The following GC variants were observed in gnomAD, a reference collection of about 807,000 sequenced individuals.
The protein encoded by GC is GC vitamin D binding protein, also known as vitamin D-binding protein.
In GC, 43 loss-of-function variants were observed where a neutral mutation model predicts 56.7. The observed-to-expected ratio is 0.76, with a 90% CI of 0.59 to 0.98. The LOEUF (loss-of-function observed/expected upper bound fraction) is 0.98, where lower values mean the gene tolerates loss of function less well. GC is among the 50% of genes least tolerant of loss of function. The pLI is 0.00. For missense variants in GC, 529 were observed against 545.9 expected (o/e 0.97, Z 0.31); for synonymous variants, 216 against 202.7 (o/e 1.07, Z -0.56).
intron 1 of GC, among the ~76,000 whole-genome samples, chr4:71,797,843 G>A (rs931670164): frequency 6.6e-6 from 1 of 152,136 alleles, no homozygotes; most frequent in African/African-American, 2.4e-5. Context: ...TCTTGATAAG[G>A]GTTCATTGAG....
intron 1 of GC, among the ~76,000 whole-genome samples, chr4:71,796,630 G>A (rs541799522): frequency 6.6e-6 from 1 of 152,264 alleles, no homozygotes; most frequent in African/African-American, 2.4e-5. Flanking sequence ...GTTTGGTGAA[G>A]TTTGTTATTA....
In GC at chr4:71,746,163, A is replaced by T. The variant is rs1741356150; in HGVS notation, c.*13T>A. 1.6e-6 allele frequency: 2 copies of T among 1,253,412 alleles called. No individual in the cohort carries two copies. The highest frequency in any genetic ancestry group is 4.6e-5 in the East Asian group (2 of 43,092). The allele number at this position is 1,253,412 out of a possible 1,614,324, so 77.6% of individuals were successfully genotyped here. A position where few individuals can be genotyped will look rare whatever the true frequency, so the allele number is the denominator to read the frequency against. On this transcript the variant is annotated 3_prime_UTR_variant, in exon 12 of 13. Coordinates refer to ENST00000273951, the MANE Select transcript of GC (RefSeq NM_000583.4). ...AAAATATACTTACCAAAGTTAATAAACATGCTTCAGGACTACAGGATATTC... is the reference window on the plus strand; with the variant it reads ...AAAATATACTTACCAAAGTTAATAATCATGCTTCAGGACTACAGGATATTC...
At chr4:71,797,540 AG>A (rs1311423127) in intron 1 of GC, among the ~76,000 whole-genome samples, 4 of 152,172 alleles carry the variant, frequency 2.6e-5, no homozygotes, top group Admixed American at 1.3e-4. Context: ...GCTGAGACTG[AG>A]GGAAAAGTCC....
intron 11 of GC, among the ~76,000 whole-genome samples, chr4:71,750,896 CAAACA>C (rs1741531109): frequency 2.3e-4 from 1 of 4,384 alleles, no homozygotes; most frequent in African/African-American, 7.4e-4. Flanking sequence ...AAAAAACAAA[CAAACA>C]AAAAAAAAAC....
intron 11 of GC, among the ~76,000 whole-genome samples, chr4:71,747,242 T>A (rs1741405241): frequency 1.3e-5 from 2 of 152,132 alleles, no homozygotes; most frequent in South Asian, 4.2e-4. Context: ...GAGAAGAGAG[T>A]CCTAGACAGT....
intron 1 of GC, among the ~76,000 whole-genome samples, chr4:71,789,981 A>G (rs1401692499): frequency 6.6e-6 from 1 of 152,016 alleles, no homozygotes; most frequent in Non-Finnish European, 1.5e-5. Flanking sequence ...TCCAATTCCC[A>G]TTGAGAATTT....
At chr4:71,804,915 G>GGGAGGA (rs144754006), upstream of GC, among the ~76,000 whole-genome samples, 5 of 150,368 alleles carry the variant, frequency 3.3e-5, no homozygotes, top group Non-Finnish European at 5.9e-5. Context: ...GCGGGGCTGA[G>GGGAGGA]GGAGGAGGAG....
intron 12 of GC, among the ~76,000 whole-genome samples, chr4:71,743,774 C>T (rs576052579): frequency 6.6e-6 from 1 of 152,234 alleles, no homozygotes; most frequent in East Asian, 1.9e-4. Flanking sequence ...ATTGGTAGGC[C>T]TTCATCATTG....
intron 12 of GC, among the ~76,000 whole-genome samples, chr4:71,743,090 C>A (rs1341885206): frequency 6.6e-6 from 1 of 152,080 alleles, no homozygotes; most frequent in African/African-American, 2.4e-5. Flanking sequence ...TCAAGGAGAC[C>A]AATAACTGTC....
intron 6 of GC, among the ~76,000 whole-genome samples, 157 bp from the exon 7 acceptor site, chr4:71,758,328 C>T (rs558191611): frequency 4.6e-4 from 70 of 152,150 alleles, no homozygotes; most frequent in Non-Finnish European, 7.8e-4. Context: ...ATCTTATGTA[C>T]CCAAGCCACA....
At position 71,765,445 on chromosome 4, in the gene GC, C is replaced by A. The variant is rs779549426; in HGVS notation, c.460G>T (p.Glu154Ter). The change falls in exon 4 of 13, where the codon GAA becomes TAA. Residue 154 changes from glutamate (E) to a stop codon, truncating the protein, a stop_gained. Coordinates refer to ENST00000273951, the MANE Select transcript of GC (RefSeq NM_000583.4). LOFTEE classifies it high-confidence loss of function. ...GAAGGCACTCACTGATTAGCATATT[C>A]CTTTGGATCTTTCCTGAACGCCTCA... ...ICEAFRKDPKEYANQFMWEYS... is the reference protein window; with the variant it reads ...ICEAFRKDPK 6.2e-7 allele frequency: 1 copy of A among 1,613,216 alleles called. No homozygotes were observed. Among genetic ancestry groups the A allele is most frequent in the Admixed American group, 1.7e-5 (1 of 60,004 alleles).
chr4:71,773,432 C>T (rs188042346), intron 1 of GC, among the ~76,000 whole-genome samples: 13 of 152,044 alleles, frequency 8.6e-5, no homozygotes, highest in African/African-American at 3.1e-4. Flanking sequence ...AATATTCATT[C>T]ATACATGTAA....
At chr4:71,783,939 G>T in intron 1 of GC, 22 bp downstream of exon 1, 2 of 1,555,536 alleles carry the variant, frequency 1.3e-6, no homozygotes, top group South Asian at 1.2e-5. Flanking sequence ...CCTGTAAATG[G>T]TCACAACAAA....
Position 71,765,646 on chromosome 4 carries a change from G to A in GC, c.262-3C>T, listed in dbSNP as rs113287479. The A allele has an allele frequency of 2.5e-6, 4 of 1,592,826 alleles. No individual in the cohort carries two copies. Among genetic ancestry groups the A allele is most frequent in the African/African-American group, 1.3e-5 (1 of 74,400 alleles). ...GACTTGGCAGACAGTGCTGAGGTCT[G>A]GAGGAGAAGGAAAAAGGAAACTCAT... On this transcript the variant is annotated splice_region_variant and splice_polypyrimidine_tract_variant and intron_variant, in intron 3 of 12. Transcript: ENST00000273951.
At chr4:71,784,179 GC>G (rs1742774049), upstream of GC, 6 of 1,312,436 alleles carry the variant, frequency 4.6e-6, no homozygotes, top group Non-Finnish European at 5.9e-6. Context: ...AAACACAGAA[GC>G]AAGGGGCTGT....
rs781452872 is a variant in GC, at chr4:71,763,399, A to C, written c.701+9T>G. The C allele has an allele frequency of 1.4e-6, 2 of 1,465,580 alleles. No homozygotes were observed. Among genetic ancestry groups the C allele is most frequent in the East Asian group, 4.5e-5 (2 of 44,032 alleles). The allele number at this position is 1,465,580 out of a possible 1,614,324, so 90.8% of individuals were successfully genotyped here. ...ACATCTAAATATGACAATAGCACTT[A>C]ATCTTTACCTGAGCCTTGATTTCTT... On this transcript the variant is annotated intron_variant, in intron 6 of 12. Transcript: ENST00000273951.
At chr4:71,789,664 C>G (rs977351951) in intron 1 of GC, among the ~76,000 whole-genome samples, 3 of 151,922 alleles carry the variant, frequency 2.0e-5, no homozygotes, top group African/African-American at 7.2e-5. Context: ...ACCCTAATCC[C>G]TGCAACCTGT....
At chr4:71,743,443 A>G (rs1199742490) in intron 12 of GC, among the ~76,000 whole-genome samples, 1 of 152,220 alleles carries the variant, frequency 6.6e-6, no homozygotes, top group Non-Finnish European at 1.5e-5. Flanking sequence ...AGACTGATCT[A>G]TCTGAGGGAA....
intron 10 of GC, among the ~76,000 whole-genome samples, chr4:71,753,448 G>A (rs536814083): frequency 6.6e-6 from 1 of 150,926 alleles, no homozygotes; most frequent in Non-Finnish European, 1.5e-5. Context: ...GAGCTGCCGG[G>A]GGGTGCAAAT....
Sources: gnomAD v4.1 joint callset for allele counts (sites outside exome capture counted in the v4.1 genomes callset) on GRCh38, gnomAD v4.1.1 for gene constraint, MANE v1.5 for transcripts, NCBI Gene and HGNC (gene_info 2026-07-23, HGNC 2026-07-21) for gene names.